Variants in LCK observed in about 807,000 individuals in gnomAD.
LCK encodes LCK proto-oncogene, Src family tyrosine kinase, also known as tyrosine-protein kinase Lck.
Under a neutral mutation model 64.6 loss-of-function variants are expected in LCK, and 14 were observed. The ratio of observed to expected loss-of-function variants is 0.22; its 90% CI spans 0.14 to 0.34. LCK has a LOEUF of 0.34. LCK is among the 10% of genes least tolerant of loss of function. The probability of loss-of-function intolerance (pLI) is 1.00; values close to 1 mark genes in which losing one functional copy is unlikely to be tolerated. For synonymous variants in LCK, 277 were observed against 263.6 expected, an observed-to-expected ratio of 1.05 and a Z score of -0.49; for missense variants, 434 against 668.1, an observed-to-expected ratio of 0.65 and a Z score of 3.86.
rs910143171 is a variant in LCK, at chr1:32,251,970, C to A, written c.-6+599C>A. 6.6e-6 allele frequency among the ~76,000 whole-genome samples: 1 copy of A among 151,190 alleles called. No homozygotes were observed. The highest frequency in any genetic ancestry group is 1.5e-5 in the Non-Finnish European group (1 of 67,902). On this transcript the variant is annotated intron_variant, in intron 1 of 12. Coordinates refer to ENST00000336890, the MANE Select transcript of LCK (RefSeq NM_005356.5). The surrounding 1 kb of genome is among the most constrained non-coding windows in gnomAD (Gnocchi z 4.0). Reference sequence around the variant, plus strand: ...CACCCAAGGCATCCAGATGGACATGCGAGGAGTGATTTTAGCCTCAGCGAT... The same window carrying A: ...CACCCAAGGCATCCAGATGGACATGAGAGGAGTGATTTTAGCCTCAGCGAT...
In LCK at chr1:32,276,896, T is replaced by C; in HGVS notation, c.964+110T>C. On this transcript the variant is annotated intron_variant, in intron 9 of 12. Transcript: ENST00000336890. The surrounding 1 kb of genome is among the most constrained non-coding windows in gnomAD (Gnocchi z 4.6). ...GCCCAAAGCTCAAGCAAGGAGGGTT[T>C]CTTGAGCTTTCCTGCCCCCTGGAGA... The C allele has an allele frequency of 8.4e-7, 1 of 1,189,388 alleles. No homozygotes were observed. Among genetic ancestry groups the C allele is most frequent in the Non-Finnish European group, 1.1e-6 (1 of 880,138 alleles). The allele number at this position is 1,189,388 out of a possible 1,614,324, so 73.7% of individuals were successfully genotyped here. A position where few individuals can be genotyped will look rare whatever the true frequency, so the allele number is the denominator to read the frequency against.
intron 2 of LCK, 66 bp from the exon 3 acceptor site, chr1:32,274,671 G>A (rs1344890006): frequency 1.5e-6 from 2 of 1,316,328 alleles, no homozygotes; most frequent in Non-Finnish European, 2.1e-6. Context: ...AGAGCAGGGG[G>A]GAAGGGGGCC....
chr1:32,281,280 A>AAC (rs1553154642), intron 12 of LCK, among the ~76,000 whole-genome samples: 4 of 150,956 alleles, frequency 2.6e-5, no homozygotes, highest in African/African-American at 7.3e-5. Flanking sequence ...CAAAAAAAAA[A>AAC]AAACAAACAA....
In LCK at chr1:32,275,152, T is replaced by G. The variant is rs866634163; in HGVS notation, c.278+69T>G. The G allele has an allele frequency of 6.0e-6, 9 of 1,500,346 alleles. No homozygotes were observed. The Middle Eastern group carries it at 5.2e-4, about 87-fold the overall frequency. 92.9% of individuals were successfully genotyped at this position (1,500,346 alleles called of 1,614,324 possible). On this transcript the variant is annotated intron_variant, in intron 4 of 12. Transcript: ENST00000336890. The surrounding 1 kb of genome is among the most constrained non-coding windows in gnomAD (Gnocchi z 6.9). ...CGGCGATCTCCGCGACCCGCAGCCC[T>G]CCTGCGGCCCTTGACCAGCTCGGGG...
chr1:32,276,667 C>T lies in LCK; in HGVS notation c.845C>T (p.Pro282Leu), dbSNP rs772280544. 1 of 1,614,062 alleles carries T rather than the reference C, an allele frequency of 6.2e-7. No individual in the cohort carries two copies. The highest frequency in any genetic ancestry group is 8.5e-7 in the Non-Finnish European group (1 of 1,179,994). ...AGCCTGAAGCAGGGCAGCATGTCCC[C>T]GGACGCCTTCCTGGCCGAGGCCAAC... is the stretch of plus-strand genomic sequence containing the variant. ...VKSLKQGSMS[P>L]DAFLAEANLM... The change falls in exon 9 of 13, where the codon CCG (proline) becomes CTG (leucine). Residue 282 changes from proline (P) to leucine (L), a missense_variant. Transcript: ENST00000336890. The surrounding 1 kb of genome is among the most constrained non-coding windows in gnomAD (Gnocchi z 4.6).
intron 1 of LCK, among the ~76,000 whole-genome samples, chr1:32,273,176 TGTG>T (rs1472259873): frequency 7.9e-6 from 1 of 126,392 alleles, no homozygotes; most frequent in South Asian, 2.7e-4. Context: ...GGGGGGCACT[TGTG>T]GAGGGTGAGT....
At chr1:32,258,479 T>TAAA (rs79944630) in intron 1 of LCK, among the ~76,000 whole-genome samples, 2 of 122,934 alleles carry the variant, frequency 1.6e-5, no homozygotes, top group Non-Finnish European at 3.5e-5. Flanking sequence ...TCCATCTCTT[T>TAAA]AAAAAAAAAA....
intron 1 of LCK, among the ~76,000 whole-genome samples, chr1:32,263,201 G>A (rs1361841569): frequency 6.6e-6 from 1 of 151,968 alleles, no homozygotes; most frequent in Non-Finnish European, 1.5e-5. Flanking sequence ...AGACCAACCT[G>A]GCCAACATGG....
At chr1:32,283,066 G>A (rs1052443966) in intron 12 of LCK, among the ~76,000 whole-genome samples, 3 of 151,718 alleles carry the variant, frequency 2.0e-5, no homozygotes, top group Non-Finnish European at 4.4e-5. Context: ...TGAGATGAGC[G>A]GATCACGTGG....
At chr1:32,253,362 A>C (rs892565599) in intron 1 of LCK, among the ~76,000 whole-genome samples, 2 of 152,182 alleles carry the variant, frequency 1.3e-5, no homozygotes, top group Non-Finnish European at 2.9e-5. Flanking sequence ...ACCCCATCTC[A>C]AACAAAAATG....
chr1:32,267,217 A>G (rs60778799), intron 1 of LCK, among the ~76,000 whole-genome samples: 5,075 of 152,160 alleles, frequency 0.033, 290 homozygotes, highest in African/African-American at 0.12. Flanking sequence ...ACTCTGGTCT[A>G]GCAGGATTTC....
chr1:32,274,449 A>G lies in LCK; in HGVS notation c.105+15A>G. 1 of 1,598,506 alleles carries G rather than the reference A, an allele frequency of 6.3e-7. No homozygotes were observed. Among genetic ancestry groups the G allele is most frequent in the Non-Finnish European group, 8.6e-7 (1 of 1,169,404 alleles). On this transcript the variant is annotated intron_variant, in intron 2 of 12. Transcript: ENST00000336890. Reference sequence around the variant, plus strand: ...GCAAGGGCACGGTAAGAGGCGAGACAGGGGCCTTGGTGAGGGAGTTGGGTA... The same window carrying G: ...GCAAGGGCACGGTAAGAGGCGAGACGGGGGCCTTGGTGAGGGAGTTGGGTA...
In LCK at chr1:32,285,993, A is replaced by G. The variant is rs982351799; in HGVS notation, c.*277A>G. On this transcript the variant is annotated 3_prime_UTR_variant, in exon 13 of 13. Transcript: ENST00000336890. ...TCCCATTTCCTGAGACCACAGAGAG[A>G]GGGGAGAAGCCTGGGATTGACAGAA... 4 of 474,892 alleles carry G rather than the reference A, an allele frequency of 8.4e-6. No homozygotes were observed. Among genetic ancestry groups the G allele is most frequent in the African/African-American group, 1.9e-5 (1 of 52,280 alleles). The allele number at this position is 474,892 out of a possible 1,614,324, so 29.4% of individuals were successfully genotyped here. A position where few individuals can be genotyped will look rare whatever the true frequency, so the allele number is the denominator to read the frequency against.
Position 32,284,130 on chromosome 1 carries a change from G to A in LCK, c.1328-1384G>A, listed in dbSNP as rs531814365. Among the ~76,000 whole-genome samples the A allele has an allele frequency of 4.6e-5, 7 of 151,420 alleles. No individual in the cohort carries two copies. In the East Asian group the frequency reaches 9.7e-4, roughly 21 times the overall value. On this transcript the variant is annotated intron_variant, in intron 12 of 12. Transcript: ENST00000336890. ...ACTCCTGACCCCAGGTGATCCACCC[G>A]GCTTGGCCTCCCAAAGTGTTGGGAT...
At chr1:32,260,510 G>A (rs1639740544) in intron 1 of LCK, among the ~76,000 whole-genome samples, 1 of 152,146 alleles carries the variant, frequency 6.6e-6, no homozygotes, top group East Asian at 1.9e-4. Flanking sequence ...AGAATAGTCT[G>A]CTTGTTCTTT....
intron 9 of LCK, among the ~76,000 whole-genome samples, chr1:32,277,919 T>G (rs1473188578): frequency 6.6e-6 from 1 of 152,224 alleles, no homozygotes; most frequent in African/African-American, 2.4e-5. Flanking sequence ...CTCAAGCCTA[T>G]AACTCCAGCA....
intron 1 of LCK, among the ~76,000 whole-genome samples, chr1:32,268,137 T>C (rs1173631384): frequency 2.0e-5 from 3 of 151,536 alleles, no homozygotes; most frequent in African/African-American, 7.3e-5. Context: ...GAGGTTGCAG[T>C]GAGCTGAGAT....
At chr1:32,281,007 C>T (rs973833540) in intron 12 of LCK, among the ~76,000 whole-genome samples, 2 of 152,028 alleles carry the variant, frequency 1.3e-5, no homozygotes, top group Non-Finnish European at 2.9e-5. Flanking sequence ...TTTGGGAGAC[C>T]AAGGTGGGAG....
At chr1:32,265,694 C>T (rs182175821) in intron 1 of LCK, among the ~76,000 whole-genome samples, 72 of 152,292 alleles carry the variant, frequency 4.7e-4, no homozygotes, top group Admixed American at 2.6e-3. Context: ...CCTTTTCCCT[C>T]CCCACCTGAC....
Sources: gnomAD v4.1 joint callset for allele counts (sites outside exome capture counted in the v4.1 genomes callset) on GRCh38, gnomAD v4.1.1 for gene constraint, Gnocchi (gnomAD v3.1) non-coding constraint, MANE v1.5 for transcripts, NCBI Gene and HGNC (gene_info 2026-07-23, HGNC 2026-07-21) for gene names.